Variants in GPC6 observed in about 807,000 individuals in gnomAD.
GPC6 encodes glypican 6, also known as glypican-6.
GPC6 carries 14 observed loss-of-function variants against 55.2 expected under a neutral mutation model. That is an observed-to-expected ratio of 0.25 (90% CI 0.17 to 0.40). GPC6 has a LOEUF of 0.40. Ranked by LOEUF, GPC6 falls within the 10% of genes least tolerant of loss-of-function variation. GPC6 has a pLI of 1.00. For synonymous variants in GPC6, 278 were observed against 259.6 expected (o/e 1.07, Z -0.68); for missense variants, 641 against 708.5 (o/e 0.90, Z 1.08).
At chr13:93,224,046 C>T (rs1265591358), upstream of GPC6, among the ~76,000 whole-genome samples, 2 of 151,598 alleles carry the variant, frequency 1.3e-5, no homozygotes, top group Non-Finnish European at 2.9e-5. Flanking sequence ...ACTGCAGTGC[C>T]GGCCACCACA....
At chr13:93,939,683 C>T (rs1355885974) in intron 3 of GPC6, among the ~76,000 whole-genome samples, 1 of 151,880 alleles carries the variant, frequency 6.6e-6, no homozygotes, top group Non-Finnish European at 1.5e-5. Context: ...CTCCTCAGCT[C>T]AAAGAATCCT....
At chr13:93,866,843 C>G (rs535784309) in intron 3 of GPC6, among the ~76,000 whole-genome samples, 3 of 151,782 alleles carry the variant, frequency 2.0e-5, no homozygotes, top group African/African-American at 7.2e-5. Context: ...ATGTAACAAA[C>G]CTGCACATGT....
intron 3 of GPC6, among the ~76,000 whole-genome samples, chr13:93,964,869 C>T (rs777047490): frequency 1.2e-4 from 19 of 152,052 alleles, no homozygotes; most frequent in South Asian, 2.1e-4. Context: ...CATTCTGTTC[C>T]GCTGACTTCT....
intron 4 of GPC6, among the ~76,000 whole-genome samples, chr13:94,063,789 C>T (rs761923975): frequency 1.1e-4 from 17 of 152,058 alleles, no homozygotes; most frequent in Non-Finnish European, 1.6e-4. Context: ...TAGACTAATA[C>T]GAAATATGGA....
intron 1 of GPC6, among the ~76,000 whole-genome samples, chr13:93,258,820 T>A (rs1401512701): frequency 1.3e-5 from 2 of 152,030 alleles, no homozygotes; most frequent in Non-Finnish European, 2.9e-5. Context: ...TGTGATGCCA[T>A]GTGCCTGTAG....
At chr13:94,212,928 T>A (rs1566550122) in intron 4 of GPC6, among the ~76,000 whole-genome samples, 1 of 152,130 alleles carries the variant, frequency 6.6e-6, no homozygotes, top group Non-Finnish European at 1.5e-5. Context: ...GAGGCCAAGG[T>A]GGGCAGATCA....
intron 1 of GPC6, among the ~76,000 whole-genome samples, chr13:93,358,204 G>A (rs1334360195): frequency 6.6e-6 from 1 of 151,960 alleles, no homozygotes; most frequent in African/African-American, 2.4e-5. Flanking sequence ...AAATTACCTG[G>A]GTGTGCTGGT....
In GPC6 at chr13:93,240,659, A is replaced by C. The variant is rs1184928328; in HGVS notation, c.160+13043A>C. On this transcript the variant is annotated intron_variant, in intron 1 of 8. Transcript: ENST00000377047. ...TATTCCAAGTTAATAGTAATATATT[A>C]AATACTATTCCAGTCATCATGTTGA... Among the ~76,000 whole-genome samples the C allele has an allele frequency of 2.0e-5, 3 of 152,190 alleles. No individual in the cohort carries two copies. In the South Asian group the frequency reaches 6.2e-4, roughly 31 times the overall value.
chr13:93,984,258 T>A (rs1470458394), intron 3 of GPC6, among the ~76,000 whole-genome samples: 1 of 152,134 alleles, frequency 6.6e-6, no homozygotes, highest in Non-Finnish European at 1.5e-5. Context: ...AGGTGGGTGC[T>A]ATTTTTCTTT....
chr13:94,035,298 G>A (rs1883295333), intron 4 of GPC6, among the ~76,000 whole-genome samples: 2 of 135,582 alleles, frequency 1.5e-5, no homozygotes, highest in Non-Finnish European at 3.2e-5. Flanking sequence ...ATTCTTTACA[G>A]TGGAATTAAA....
intron 3 of GPC6, among the ~76,000 whole-genome samples, chr13:93,839,897 A>G (rs1229885349): frequency 6.6e-6 from 1 of 152,130 alleles, no homozygotes; most frequent in African/African-American, 2.4e-5. Flanking sequence ...TTTAGCATCT[A>G]TATTCATCGA....
chr13:93,746,663 C>A (rs1398900508), intron 2 of GPC6, among the ~76,000 whole-genome samples: 1 of 152,162 alleles, frequency 6.6e-6, no homozygotes, highest in Non-Finnish European at 1.5e-5. Flanking sequence ...CTCTTCTGAT[C>A]TTAGACAATG....
intron 2 of GPC6, among the ~76,000 whole-genome samples, chr13:93,705,260 T>G (rs1044984711): frequency 6.6e-6 from 1 of 151,980 alleles, no homozygotes; most frequent in South Asian, 2.1e-4. Flanking sequence ...TCTCGATAAG[T>G]GCTGCCAAAG....
intron 1 of GPC6, among the ~76,000 whole-genome samples, chr13:93,527,997 C>G (rs1378706702): frequency 1.3e-5 from 2 of 152,028 alleles, no homozygotes; most frequent in Non-Finnish European, 2.9e-5. Context: ...TTACAGATGC[C>G]TACTGAAATT....
At chr13:93,949,594 C>G (rs1879163591) in intron 3 of GPC6, among the ~76,000 whole-genome samples, 1 of 152,160 alleles carries the variant, frequency 6.6e-6, no homozygotes, top group Admixed American at 6.5e-5. Flanking sequence ...CAGGACATCC[C>G]ATACCAGCCT....
Position 94,355,898 on chromosome 13 carries a change from G to T in GPC6, c.1153-26516G>T, listed in dbSNP as rs541765063. Among the ~76,000 whole-genome samples, 11 of 152,188 alleles carry T rather than the reference G, an allele frequency of 7.2e-5. No homozygotes were observed. The South Asian group carries it at 1.7e-3, about 23-fold the overall frequency. ...ACCCATCACCTAGGTATTAAACCCC[G>T]CATGCATTAGCTATTTATCCTGATG... On this transcript the variant is annotated intron_variant, in intron 6 of 8. Transcript: ENST00000377047.
intron 4 of GPC6, among the ~76,000 whole-genome samples, chr13:94,032,356 C>T (rs541686106): frequency 6.6e-6 from 1 of 152,030 alleles, no homozygotes; most frequent in Non-Finnish European, 1.5e-5. Context: ...ACTTAGTCAG[C>T]GGGGAGTCAG....
intron 7 of GPC6, among the ~76,000 whole-genome samples, chr13:94,397,802 G>A (rs1351087743): frequency 1.3e-5 from 2 of 152,196 alleles, no homozygotes; most frequent in Non-Finnish European, 2.9e-5. Flanking sequence ...TTAATGTTAA[G>A]TAGTGGTGAT....
At chr13:94,323,395 T>C (rs1460299951) in intron 6 of GPC6, among the ~76,000 whole-genome samples, 1 of 152,248 alleles carries the variant, frequency 6.6e-6, no homozygotes, top group Non-Finnish European at 1.5e-5. Flanking sequence ...CCATTGTCTG[T>C]ACTCAGCCTA....
Sources: gnomAD v4.1 joint callset for allele counts (sites outside exome capture counted in the v4.1 genomes callset) on GRCh38, gnomAD v4.1.1 for gene constraint, MANE v1.5 for transcripts, NCBI Gene and HGNC (gene_info 2026-07-23, HGNC 2026-07-21) for gene names.